Variants in NFATC2 observed in about 807,000 individuals in gnomAD.
NFATC2 encodes the protein nuclear factor of activated T cells 2, also known as nuclear factor of activated T-cells, cytoplasmic 2.
NFATC2 carries 22 observed loss-of-function variants against 87.3 expected under a neutral mutation model. The observed-to-expected ratio is 0.25, with a 90% confidence interval of 0.18 to 0.36. NFATC2 has a LOEUF of 0.36. NFATC2 is among the 10% of genes least tolerant of loss of function. NFATC2 has a pLI of 1.00. For missense variants in NFATC2, 1,149 were observed against 1,259.1 expected (o/e 0.91, Z 1.32); for synonymous variants, 565 against 542.2 (o/e 1.04, Z -0.58).
intron 9 of NFATC2, among the ~76,000 whole-genome samples, chr20:51,404,906 G>A (rs1368630698): frequency 2.6e-5 from 4 of 152,192 alleles, no homozygotes; most frequent in African/African-American, 7.2e-5. Flanking sequence ...CAAGCACCCT[G>A]CCACCAGCCA....
chr20:51,477,576 T>TATATATATATATATAA, intron 3 of NFATC2, among the ~76,000 whole-genome samples: 1 of 73,892 alleles, frequency 1.4e-5, no homozygotes, highest in Non-Finnish European at 3.0e-5. Context: ...TATATATATA[T>TATATATATATATATAA]ATATAAAATA....
intron 1 of NFATC2, among the ~76,000 whole-genome samples, chr20:51,555,659 C>T (rs1654401664): frequency 6.6e-6 from 1 of 152,150 alleles, no homozygotes; most frequent in African/African-American, 2.4e-5. Flanking sequence ...TCCCCCTGCC[C>T]CTTCTGATCC....
At chr20:51,407,758 G>A (rs898551341) in intron 9 of NFATC2, among the ~76,000 whole-genome samples, 6 of 152,230 alleles carry the variant, frequency 3.9e-5, no homozygotes, top group Non-Finnish European at 1.5e-5. Flanking sequence ...CTGAGCAGAC[G>A]GGGTCAGGAC....
chr20:51,427,250 T>A (rs1467454030), intron 9 of NFATC2, among the ~76,000 whole-genome samples: 1 of 151,994 alleles, frequency 6.6e-6, no homozygotes, highest in African/African-American at 2.4e-5. Flanking sequence ...AGCTGTGGAG[T>A]CAGCACAGCT....
chr20:51,415,068 T>C (rs1182659396), intron 9 of NFATC2, among the ~76,000 whole-genome samples: 1 of 151,448 alleles, frequency 6.6e-6, no homozygotes, highest in African/African-American at 2.4e-5. Context: ...CTGGGCAACA[T>C]AGTGAGACCC....
At position 51,524,193 on chromosome 20, in the gene NFATC2, G is replaced by C. The variant is rs375647953; in HGVS notation, c.131-83C>G. On this transcript the variant is annotated intron_variant, in intron 1 of 10. Transcript: ENST00000371564. This position sits in a 1 kb window ranked among gnomAD's most constrained non-coding sequence, Gnocchi z 4.0. ...GCAGAGCAATCACAGGCTGGATTTC[G>C]TCTCACGTCGTTTATTTTTTTCAAA... The C allele has an allele frequency of 4.5e-5, 56 of 1,240,938 alleles. No individual in the cohort carries two copies. In the South Asian group the frequency reaches 6.6e-4, roughly 15 times the overall value. 76.9% of individuals were successfully genotyped at this position (1,240,938 alleles called of 1,614,324 possible). A position where few individuals can be genotyped will look rare whatever the true frequency, so the allele number is the denominator to read the frequency against.
rs910045157 is a variant in NFATC2 at position 51,502,614 on chromosome 20, G to T, written c.1332+14170C>A. Among the ~76,000 whole-genome samples, 3 of 152,274 alleles carry T rather than the reference G, an allele frequency of 2.0e-5. 1 individual carries two copies. Among genetic ancestry groups the T allele is most frequent in the Non-Finnish European group, 4.4e-5 (3 of 68,026 alleles). ...GCCTCCCAAAGTACTAGGATTACAG[G>T]CATGAGCCACCATGCCTGGCCCTGC... On this transcript the variant is annotated intron_variant, in intron 3 of 10. Coordinates refer to ENST00000371564, the MANE Select transcript of NFATC2 (RefSeq NM_012340.5).
intron 9 of NFATC2, among the ~76,000 whole-genome samples, chr20:51,417,648 T>C (rs1389478504): frequency 6.6e-6 from 1 of 152,212 alleles, no homozygotes; most frequent in Non-Finnish European, 1.5e-5. Context: ...ATTCTCATCA[T>C]TTTCTGGTTG....
At chr20:51,551,815 C>T (rs746500029) in intron 1 of NFATC2, among the ~76,000 whole-genome samples, 126 of 151,974 alleles carry the variant, frequency 8.3e-4, no homozygotes, top group Non-Finnish European at 1.5e-3. Flanking sequence ...ATCATGAGGT[C>T]AGGAGATCAA....
chr20:51,410,866 T>C (rs1285491881), intron 9 of NFATC2, among the ~76,000 whole-genome samples: 1 of 152,200 alleles, frequency 6.6e-6, no homozygotes, highest in Non-Finnish European at 1.5e-5. Flanking sequence ...CTGAAATCTA[T>C]TTCTTTCTGG....
Position 51,525,080 on chromosome 20 carries a change from C to A in NFATC2, c.131-970G>T, listed in dbSNP as rs1288531752. 2.0e-5 allele frequency among the ~76,000 whole-genome samples: 3 copies of A among 152,056 alleles called. No homozygotes were observed. In the South Asian group the frequency reaches 6.2e-4, roughly 32 times the overall value. On this transcript the variant is annotated intron_variant, in intron 1 of 10. Transcript: ENST00000371564. ...ACTAAAAATACAAAAATTAGCCAGG[C>A]GTGGTGGCACAGGCCTGTAATCCCA...
Position 51,523,186 on chromosome 20 carries a change from A to G in NFATC2, c.1055T>C (p.Leu352Pro), listed in dbSNP as rs1416582929. The G allele has an allele frequency of 6.2e-7, 1 of 1,614,168 alleles. No homozygotes were observed. Reference protein sequence around the residue: ...PRHIYPAVEFLGPCEQGERRN... With the variant: ...PRHIYPAVEFPGPCEQGERRN... ...CCTCTCGCCCTGCTCGCAGGGCCCC[A>G]GGAACTCCACGGCCGGGTAGATGTG... The change falls in exon 2 of 11, where the codon CTG becomes CCG. Residue 352 changes from leucine to proline, a missense_variant. Transcript: ENST00000371564. The surrounding 1 kb of genome is among the most constrained non-coding windows in gnomAD (Gnocchi z 6.9).
chr20:51,495,506 G>A (rs2075974083), intron 3 of NFATC2, among the ~76,000 whole-genome samples: 1 of 152,242 alleles, frequency 6.6e-6, no homozygotes, highest in Non-Finnish European at 1.5e-5. Flanking sequence ...GCCCAAGAGA[G>A]AACTTGTTGA....
intron 9 of NFATC2, among the ~76,000 whole-genome samples, chr20:51,401,291 T>C (rs1988012830): frequency 6.6e-6 from 1 of 151,512 alleles, no homozygotes; most frequent in Non-Finnish European, 1.5e-5. Context: ...TGAGCTGAGA[T>C]GGTGCCACTG....
chr20:51,429,618 C>T (rs1233163191), intron 9 of NFATC2, among the ~76,000 whole-genome samples: 1 of 152,258 alleles, frequency 6.6e-6, no homozygotes, highest in Non-Finnish European at 1.5e-5. Context: ...GTGGACATCA[C>T]CACCTGGAGC....
rs1987611403 is a variant in NFATC2, at chr20:51,398,701, G to GTATCCAGCTAAGGTGTGTGTC, written c.2731_2751dup (p.Asp911_Ile917dup). ...GTCATTCTGTTTCATAATATGTTTT[G>GTATCCAGCTAAGGTGTGTGTC]TATCCAGCTAAGGTGTGTGTCTATC... On this transcript the variant is annotated inframe_insertion, in exon 10 of 11. Transcript: ENST00000371564. 1 of 1,612,610 alleles carries GTATCCAGCTAAGGTGTGTGTC rather than the reference G, an allele frequency of 6.2e-7. No individual in the cohort carries two copies. The highest frequency in any genetic ancestry group is 1.7e-5 in the Admixed American group (1 of 59,906).
chr20:51,529,043 G>T lies in NFATC2; in HGVS notation c.131-4933C>A, dbSNP rs116946272. 6.6e-3 allele frequency among the ~76,000 whole-genome samples: 1,012 copies of T among 152,258 alleles called. 7 individuals carry two copies. Among genetic ancestry groups the T allele is most frequent in the Non-Finnish European group, 0.011 (721 of 68,026 alleles). ...ACACACGCCTTCCTAGAAGGTAACA[G>T]AGCACAGAGTTTTAATCTAGGAAAA... On this transcript the variant is annotated intron_variant, in intron 1 of 10. Transcript: ENST00000371564.
chr20:51,478,839 C>A (rs1458579894), intron 3 of NFATC2, among the ~76,000 whole-genome samples: 1 of 152,198 alleles, frequency 6.6e-6, no homozygotes, highest in Non-Finnish European at 1.5e-5. Flanking sequence ...TCCCTGAACA[C>A]ACCAAGGTCT....
chr20:51,525,051 C>T (rs929633306), intron 1 of NFATC2, among the ~76,000 whole-genome samples: 2 of 152,000 alleles, frequency 1.3e-5, no homozygotes, highest in African/African-American at 2.4e-5. Context: ...GAAACCCCAT[C>T]TCTACTAAAA....
Sources: allele counts gnomAD v4.1 joint callset (sites outside exome capture counted in the v4.1 genomes callset), GRCh38; gene constraint gnomAD v4.1.1; non-coding constraint Gnocchi (gnomAD v3.1); transcripts MANE v1.5; gene names NCBI Gene and HGNC (gene_info 2026-07-23, HGNC 2026-07-21).